Variants in BCL11B observed in about 807,000 individuals in gnomAD.
BCL11B encodes the protein B-cell lymphoma/leukemia 11B.
Under a neutral mutation model 49.9 loss-of-function variants are expected in BCL11B, and 8 were observed. The observed-to-expected ratio is 0.16, with a 90% confidence interval of 0.09 to 0.29. The LOEUF (loss-of-function observed/expected upper bound fraction) is 0.29. Ranked by LOEUF, BCL11B falls within the 10% of genes least tolerant of loss-of-function variation. BCL11B has a pLI of 1.00. For missense variants in BCL11B, 1,006 were observed against 1,351.0 expected, an observed-to-expected ratio of 0.74 and a Z score of 4.00; for synonymous variants, 739 against 637.4, an observed-to-expected ratio of 1.16 and a Z score of -2.40.
chr14:99,243,328 C>A (rs1410659513), intron 2 of BCL11B, among the ~76,000 whole-genome samples: 3 of 152,154 alleles, frequency 2.0e-5, no homozygotes, highest in Non-Finnish European at 4.4e-5. Context: ...GCCCCTAATT[C>A]TTCTTCCTTG....
In BCL11B at chr14:99,172,260, C is replaced by T. The variant is rs1886315457; in HGVS notation, c.*1891G>A. On this transcript the variant is annotated 3_prime_UTR_variant, in exon 4 of 4. Transcript: ENST00000357195. ...TTAATTCAGCAGTAAATCACCTCCA[C>T]TCCATATCTAAGCAGCGTTGTCCCA... 4.4e-6 allele frequency: 1 copy of T among 226,546 alleles called. No individual in the cohort carries two copies. The highest frequency in any genetic ancestry group is 8.8e-6 in the Non-Finnish European group (1 of 113,686). The allele number at this position is 226,546 out of a possible 1,614,324, so 14.0% of individuals were successfully genotyped here.
rs1887148935 is a variant in BCL11B, at chr14:99,195,333, C to T, written c.641-19138G>A. ...AGGAAGAGAAGCTTCCCAGGGCTCT[C>T]CAGTATTCCCCACACCTCCTCTGTG... On this transcript the variant is annotated intron_variant, in intron 3 of 3. Coordinates refer to ENST00000357195, the MANE Select transcript of BCL11B (RefSeq NM_138576.4). The surrounding 1 kb of genome is among the most constrained non-coding windows in gnomAD (Gnocchi z 4.7). 6.6e-6 allele frequency among the ~76,000 whole-genome samples: 1 copy of T among 152,130 alleles called. No homozygotes were observed. The highest frequency in any genetic ancestry group is 2.1e-4 in the South Asian group (1 of 4,824).
intron 3 of BCL11B, among the ~76,000 whole-genome samples, chr14:99,197,592 G>C (rs531140826): frequency 6.6e-6 from 1 of 152,240 alleles, no homozygotes; most frequent in Non-Finnish European, 1.5e-5. Context: ...CTTGCTGTGG[G>C]GAGGAGGATT....
At chr14:99,198,543 A>ATCC (rs1887245378) in intron 3 of BCL11B, among the ~76,000 whole-genome samples, 1 of 152,096 alleles carries the variant, frequency 6.6e-6, no homozygotes, top group Non-Finnish European at 1.5e-5. Context: ...GATTATAGGG[A>ATCC]CGCTGCAGGT....
chr14:99,207,587 G>A (rs911933744), intron 3 of BCL11B, among the ~76,000 whole-genome samples: 2 of 152,210 alleles, frequency 1.3e-5, no homozygotes, highest in Non-Finnish European at 2.9e-5. Context: ...GGAGCTAGAG[G>A]CATCAGGCAC....
intron 2 of BCL11B, among the ~76,000 whole-genome samples, chr14:99,246,397 G>A (rs1003897150): frequency 2.0e-5 from 3 of 152,238 alleles, no homozygotes; most frequent in Admixed American, 2.0e-4. Context: ...AGGGAAGGAG[G>A]TGGACGATGG....
At chr14:99,179,533 G>A (rs1198356812) in intron 3 of BCL11B, among the ~76,000 whole-genome samples, 1 of 150,680 alleles carries the variant, frequency 6.6e-6, no homozygotes, top group Non-Finnish European at 1.5e-5. Flanking sequence ...ACATAGGGAG[G>A]GCATTACCTG....
intron 1 of BCL11B, among the ~76,000 whole-genome samples, chr14:99,258,539 G>T (rs1460213428): frequency 6.6e-6 from 1 of 152,222 alleles, no homozygotes; most frequent in South Asian, 2.1e-4. Flanking sequence ...GTCCTTAGGA[G>T]AGAAGGAAGC....
intron 3 of BCL11B, among the ~76,000 whole-genome samples, chr14:99,199,126 G>A (rs1566806024): frequency 6.6e-6 from 1 of 152,164 alleles, no homozygotes; most frequent in Non-Finnish European, 1.5e-5. Flanking sequence ...GTTCATTACC[G>A]AATTATTCGC....
At chr14:99,235,077 G>A (rs1217852360) in intron 2 of BCL11B, among the ~76,000 whole-genome samples, 1 of 152,092 alleles carries the variant, frequency 6.6e-6, no homozygotes, top group Non-Finnish European at 1.5e-5. Flanking sequence ...CACGCCCACC[G>A]CCGAGGAGCG....
chr14:99,176,215 G>A lies in BCL11B; in HGVS notation c.641-20C>T. ...CTTTACCTGGGGAAACACACGGACA[G>A]AAAGGCAGAGACAGCGTGAGAAGCG... On this transcript the variant is annotated intron_variant, in intron 3 of 3. Coordinates refer to ENST00000357195, the MANE Select transcript of BCL11B (RefSeq NM_138576.4). The A allele has an allele frequency of 6.2e-7, 1 of 1,605,494 alleles. No homozygotes were observed. Among genetic ancestry groups the A allele is most frequent in the African/African-American group, 1.3e-5 (1 of 74,608 alleles).
In BCL11B at chr14:99,171,060, G is replaced by T; in HGVS notation, c.*3091C>A. On this transcript the variant is annotated 3_prime_UTR_variant, in exon 4 of 4. Coordinates refer to ENST00000357195, the MANE Select transcript of BCL11B (RefSeq NM_138576.4). ...ATGGCCTCTTAGAGAAAGGGAGGAC[G>T]ATGTGGAATGTTACTGACATCTTTA... is the stretch of plus-strand genomic sequence containing the variant. 1 of 230,676 alleles carries T rather than the reference G, an allele frequency of 4.3e-6. No homozygotes were observed. Among genetic ancestry groups the T allele is most frequent in the Non-Finnish European group, 8.6e-6 (1 of 116,206 alleles). The allele number at this position is 230,676 out of a possible 1,614,324, so 14.3% of individuals were successfully genotyped here.
chr14:99,257,982 C>T lies in BCL11B; in HGVS notation c.59-143G>A. 1 of 1,085,544 alleles carries T rather than the reference C, an allele frequency of 9.2e-7. No homozygotes were observed. The highest frequency in any genetic ancestry group is 1.2e-6 in the Non-Finnish European group (1 of 811,132). 67.2% of individuals were successfully genotyped at this position (1,085,544 alleles called of 1,614,324 possible). A position where few individuals can be genotyped will look rare whatever the true frequency, so the allele number is the denominator to read the frequency against. On this transcript the variant is annotated intron_variant, in intron 1 of 3. Transcript: ENST00000357195. This position sits in a 1 kb window ranked among gnomAD's most constrained non-coding sequence, Gnocchi z 6.2. ...GGCTGCCAGAGCTCACCAGGTCCTC[C>T]CCGGGGTTGGGGGCTGGTGAGCATC...
chr14:99,182,360 C>T (rs963536398), intron 3 of BCL11B, among the ~76,000 whole-genome samples: 4 of 152,120 alleles, frequency 2.6e-5, no homozygotes, highest in East Asian at 1.9e-4. Flanking sequence ...CAGCTGCCCA[C>T]GGTAAAGCCT....
chr14:99,178,480 G>A (rs541922391), intron 3 of BCL11B, among the ~76,000 whole-genome samples: 254 of 152,214 alleles, frequency 1.7e-3, no homozygotes, highest in African/African-American at 5.9e-3. Context: ...TCCCTGTAAG[G>A]CCACCCCAAC....
At chr14:99,269,143 T>TCCCCCCTCCCCCACC (rs1566838293) in intron 1 of BCL11B, among the ~76,000 whole-genome samples, 7 of 122,918 alleles carry the variant, frequency 5.7e-5, no homozygotes, top group Admixed American at 8.4e-5. Flanking sequence ...CCCCATCCAC[T>TCCCCCCTCCCCCACC]CCCCCTTCCC....
intron 3 of BCL11B, among the ~76,000 whole-genome samples, chr14:99,218,973 G>A (rs546631971): frequency 1.3e-5 from 2 of 152,290 alleles, no homozygotes; most frequent in Admixed American, 6.5e-5. Flanking sequence ...CGGCCCTGCC[G>A]ACCCCTCCAT....
At chr14:99,251,098 T>C (rs1595075009) in intron 2 of BCL11B, among the ~76,000 whole-genome samples, 1 of 152,056 alleles carries the variant, frequency 6.6e-6, no homozygotes, top group South Asian at 2.1e-4. Flanking sequence ...CCAGGGGAGA[T>C]GGCCTCAAGC....
chr14:99,269,522 C>CCG (rs1555385247), intron 1 of BCL11B, among the ~76,000 whole-genome samples: 1 of 132,656 alleles, frequency 7.5e-6, no homozygotes, highest in African/African-American at 2.5e-5. Flanking sequence ...TATTCCCCCC[C>CCG]CCCCAAAAAA....
Sources: allele counts gnomAD v4.1 joint callset (sites outside exome capture counted in the v4.1 genomes callset), GRCh38; gene constraint gnomAD v4.1.1; non-coding constraint Gnocchi (gnomAD v3.1); transcripts MANE v1.5; gene names NCBI Gene and HGNC (gene_info 2026-07-23, HGNC 2026-07-21).